SLC8A1: variants seen among roughly 807,000 people sequenced by gnomAD.
The protein encoded by SLC8A1 is sodium/calcium exchanger 1.
In SLC8A1, 18 loss-of-function variants were observed where a neutral mutation model predicts 68.3. The ratio of observed to expected loss-of-function variants is 0.26; its 90% CI spans 0.18 to 0.39. SLC8A1 has a LOEUF of 0.39. Ranked by LOEUF, SLC8A1 falls within the 10% of genes least tolerant of loss-of-function variation. The probability of loss-of-function intolerance (pLI) is 1.00; values close to 1 mark genes in which losing one functional copy is unlikely to be tolerated. For synonymous variants in SLC8A1, 475 were observed against 415.5 expected, an observed-to-expected ratio of 1.14 and a Z score of -1.74; for missense variants, 985 against 1,156.7, an observed-to-expected ratio of 0.85 and a Z score of 2.15.
At chr2:40,436,152 C>G (rs565145456) in intron 1 of SLC8A1, among the ~76,000 whole-genome samples, 1 of 151,696 alleles carries the variant, frequency 6.6e-6, no homozygotes, top group African/African-American at 2.4e-5. Flanking sequence ...ATGCAACTCT[C>G]TAAGGGCAGG....
intron 2 of SLC8A1, among the ~76,000 whole-genome samples, chr2:40,225,355 G>A (rs896840242): frequency 6.6e-6 from 1 of 152,052 alleles, no homozygotes; most frequent in Non-Finnish European, 1.5e-5. Context: ...GTATACATAA[G>A]GTATTTAAAA....
At chr2:40,110,509 T>G (rs2034494132) in exon 8 of SLC8A1, 1 of 152,234 alleles carries the variant, frequency 6.6e-6, no homozygotes, top group Non-Finnish European at 1.5e-5. Context: ...CTGTATCTTC[T>G]GCATAATGCA....
At chr2:40,175,198 C>T in intron 3 of SLC8A1, 63 bp downstream of exon 4, 1 of 1,515,778 alleles carries the variant, frequency 6.6e-7, no homozygotes, top group Non-Finnish European at 9.1e-7. Context: ...TACTGTATCA[C>T]CTGACGGAAA....
At chr2:40,459,679 A>G (rs1345522822) in intron 1 of SLC8A1, among the ~76,000 whole-genome samples, 2 of 152,220 alleles carry the variant, frequency 1.3e-5, no homozygotes, top group East Asian at 3.8e-4. Context: ...GACCAACTTT[A>G]TAAGTAAGCT....
intron 2 of SLC8A1, among the ~76,000 whole-genome samples, chr2:40,413,026 A>G (rs561870938): frequency 3.3e-5 from 5 of 152,234 alleles, no homozygotes; most frequent in African/African-American, 1.2e-4. Context: ...AGCATCAGGT[A>G]TATCACCTAA....
rs1391950869 is a variant in SLC8A1 at position 40,268,652 on chromosome 2, CAGAAAATA to C, written c.1809-90805_1809-90798del. On this transcript the variant is annotated intron_variant, in intron 2 of 7. Transcript: ENST00000406785. ...GAAATCCTATGTACGTGTATAAGGG[CAGAAAATA>C]GGTCACAGTTGGTAGGCTACTTTCT... 5.9e-5 allele frequency among the ~76,000 whole-genome samples: 9 copies of C among 152,196 alleles called. No homozygotes were observed. In the South Asian group the frequency reaches 1.5e-3, roughly 25 times the overall value.
At chr2:40,207,890 C>T (rs2055783848) in intron 2 of SLC8A1, among the ~76,000 whole-genome samples, 1 of 152,018 alleles carries the variant, frequency 6.6e-6, no homozygotes, top group Admixed American at 6.6e-5. Flanking sequence ...TAAAATAAGG[C>T]ACCAAAATAT....
chr2:40,281,380 CTG>C (rs1233461081), intron 2 of SLC8A1, among the ~76,000 whole-genome samples: 1 of 152,172 alleles, frequency 6.6e-6, no homozygotes, highest in Non-Finnish European at 1.5e-5. Context: ...AAAAGCAACA[CTG>C]TTGGTCAGCA....
At chr2:40,195,684 C>T (rs2052834653) in intron 2 of SLC8A1, 1 of 151,846 alleles carries the variant, frequency 6.6e-6, no homozygotes, top group African/African-American at 2.4e-5. Context: ...AAATTCTTAT[C>T]TTGATATATT....
At chr2:40,310,088 C>G (rs1559186044) in intron 2 of SLC8A1, among the ~76,000 whole-genome samples, 1 of 152,176 alleles carries the variant, frequency 6.6e-6, no homozygotes, top group Non-Finnish European at 1.5e-5. Flanking sequence ...GCTTCTTTCA[C>G]CCAGCAGAAT....
chr2:40,453,772 A>G (rs1302968319), upstream of SLC8A1, among the ~76,000 whole-genome samples: 1 of 152,216 alleles, frequency 6.6e-6, no homozygotes, highest in Non-Finnish European at 1.5e-5. Flanking sequence ...TTCTTTTTCA[A>G]TAGACCTGGA....
chr2:40,373,896 A>G (rs1678958812), intron 2 of SLC8A1, among the ~76,000 whole-genome samples: 1 of 152,138 alleles, frequency 6.6e-6, no homozygotes, highest in Admixed American at 6.6e-5. Flanking sequence ...ATTCTCTTTC[A>G]GATATCTTCC....
chr2:40,315,720 T>C lies in SLC8A1; in HGVS notation c.1808+112753A>G, dbSNP rs1575336312. On this transcript the variant is annotated intron_variant, in intron 2 of 7. Coordinates refer to ENST00000406785, the Ensembl canonical transcript of SLC8A1. ...AATATTTATCTGAAGTCTTTTCATGTAGCTAAAGTGCAATCATCTTGGAGA... is the reference window on the plus strand; with the variant it reads ...AATATTTATCTGAAGTCTTTTCATGCAGCTAAAGTGCAATCATCTTGGAGA... Among the ~76,000 whole-genome samples, 4 of 152,140 alleles carry C rather than the reference T, an allele frequency of 2.6e-5. No homozygotes were observed. In the East Asian group the frequency reaches 7.7e-4, roughly 29 times the overall value.
chr2:40,242,740 C>G (rs192033431), intron 2 of SLC8A1, among the ~76,000 whole-genome samples: 1 of 152,100 alleles, frequency 6.6e-6, no homozygotes, highest in African/African-American at 2.4e-5. Flanking sequence ...CAAGAAACAA[C>G]AAGAAACCAA....
chr2:40,183,611 C>A (rs1265140527), intron 2 of SLC8A1, among the ~76,000 whole-genome samples: 5 of 152,152 alleles, frequency 3.3e-5, no homozygotes, highest in Non-Finnish European at 7.4e-5. Flanking sequence ...CCCACAGAAT[C>A]TGCATTTTAA....
At chr2:40,222,100 C>T (rs1256819877) in intron 2 of SLC8A1, among the ~76,000 whole-genome samples, 2 of 152,046 alleles carry the variant, frequency 1.3e-5, no homozygotes, top group African/African-American at 2.4e-5. Context: ...GGAGGCATCA[C>T]ACTACCTGAT....
chr2:40,170,413 G>T, intron 4 of SLC8A1, 64 bp from the exon 7 acceptor site: 1 of 1,388,018 alleles, frequency 7.2e-7, no homozygotes, highest in Non-Finnish European at 1.0e-6. Flanking sequence ...TCAGAGCTTT[G>T]TGGAATTAGT....
chr2:40,468,827 G>A (rs1341793195), intron 1 of SLC8A1, among the ~76,000 whole-genome samples: 1 of 152,008 alleles, frequency 6.6e-6, no homozygotes, highest in Non-Finnish European at 1.5e-5. Context: ...TATAATCCCA[G>A]CTATTAGGGA....
In SLC8A1 at chr2:40,139,381, T is replaced by C; in HGVS notation, c.2437+20A>G. 10 of 1,612,940 alleles carry C rather than the reference T, an allele frequency of 6.2e-6. No individual in the cohort carries two copies. Among genetic ancestry groups the C allele is most frequent in the Non-Finnish European group, 7.6e-6 (9 of 1,179,114 alleles). On this transcript the variant is annotated intron_variant, in intron 7 of 7. Transcript: ENST00000406785. ...TGAACTTCTGCTACTGGGGGAATTA[T>C]ACATGAATGTAATTTGTACCTGGCA...
Sources: allele counts gnomAD v4.1 joint callset (sites outside exome capture counted in the v4.1 genomes callset), GRCh38; gene constraint gnomAD v4.1.1; transcripts MANE v1.5; gene names NCBI Gene and HGNC (gene_info 2026-07-23, HGNC 2026-07-21).